The following ACTR3C variants were observed in gnomAD, a reference collection of about 807,000 sequenced individuals.
The protein encoded by ACTR3C is actin related protein 3C, also known as actin-related protein 3C.
A neutral mutation model predicts 26.3 loss-of-function variants in ACTR3C; 18 were observed. That is an observed-to-expected ratio of 0.68 (90% CI 0.47 to 1.01). The LOEUF is 1.01. Among genes scored for constraint, ACTR3C ranks in the 50% least tolerant of loss-of-function variants. The probability of loss-of-function intolerance (pLI) is 0.00; values close to 1 mark genes in which losing one functional copy is unlikely to be tolerated. For synonymous variants in ACTR3C, 55 were observed against 94.5 expected (o/e 0.58, Z 2.42); for missense variants, 184 against 250.7 (o/e 0.73, Z 1.80).
chr7:149,996,081 G>C, the ACTR3C span, among the ~76,000 whole-genome samples: 2 of 152,108 alleles, frequency 1.3e-5, no homozygotes, highest in African/African-American at 4.8e-5. Context: ...GGAGGGAGGA[G>C]GCTGGAAAGG....
chr7:149,978,277 G>T, the ACTR3C span, among the ~76,000 whole-genome samples: 1 of 152,022 alleles, frequency 6.6e-6, no homozygotes, highest in Admixed American at 6.6e-5. Flanking sequence ...TTCATTCAGG[G>T]CAGGGGTTCA....
the ACTR3C span, among the ~76,000 whole-genome samples, chr7:150,036,184 A>C: frequency 2.1e-5 from 3 of 145,026 alleles, 1 homozygote; most frequent in Non-Finnish European, 1.6e-5. Flanking sequence ...TGGGAGTCCC[A>C]AGAGCCAGGG....
chr7:150,122,925 G>A, the ACTR3C span, among the ~76,000 whole-genome samples: 31 of 150,668 alleles, frequency 2.1e-4, no homozygotes, highest in Non-Finnish European at 1.2e-4. Flanking sequence ...GAATGAGTTC[G>A]TGTCCTTTTC....
the ACTR3C span, among the ~76,000 whole-genome samples, chr7:150,125,322 T>C: frequency 6.6e-6 from 1 of 151,914 alleles, no homozygotes; most frequent in Admixed American, 6.6e-5. Context: ...TAATTCCCTG[T>C]AGACCCATAA....
the ACTR3C span, among the ~76,000 whole-genome samples, chr7:150,186,550 C>G: frequency 6.6e-6 from 1 of 152,150 alleles, no homozygotes; most frequent in East Asian, 1.9e-4. Context: ...TCTGGACTAA[C>G]TCCCAATCCA....
At chr7:150,315,086 TTTA>T (rs1034333954) in intron 1 of ACTR3C, among the ~76,000 whole-genome samples, 3 of 147,284 alleles carry the variant, frequency 2.0e-5, no homozygotes, top group East Asian at 1.9e-4. Context: ...ATATTTATTA[TTTA>T]TTATATTTTA....
the ACTR3C span, among the ~76,000 whole-genome samples, chr7:150,123,942 G>A: frequency 6.6e-6 from 1 of 152,178 alleles, no homozygotes; most frequent in African/African-American, 2.4e-5. Context: ...TGAGGTGTGA[G>A]GGAGGGGCCC....
the ACTR3C span, among the ~76,000 whole-genome samples, chr7:150,129,779 G>A: frequency 6.6e-6 from 1 of 152,128 alleles, no homozygotes; most frequent in African/African-American, 2.4e-5. Context: ...GATGTATAGA[G>A]TTAATGCAAT....
chr7:150,039,279 TC>T, the ACTR3C span, among the ~76,000 whole-genome samples: 19,874 of 134,714 alleles, frequency 0.15, 30 homozygotes, highest in Middle Eastern at 0.19. Flanking sequence ...GGGGGGTGCC[TC>T]CCCCCTCCTG....
the ACTR3C span, among the ~76,000 whole-genome samples, chr7:150,111,874 C>A: frequency 6.6e-6 from 1 of 151,340 alleles, no homozygotes; most frequent in African/African-American, 2.4e-5. Context: ...CCTGCGAAGC[C>A]CCCTTCCCAC....
chr7:150,128,558 C>T, the ACTR3C span, among the ~76,000 whole-genome samples: 2,240 of 151,508 alleles, frequency 0.015, 53 homozygotes, highest in African/African-American at 0.052. Flanking sequence ...AAACATCAAC[C>T]CCAGAATGGT....
the ACTR3C span, among the ~76,000 whole-genome samples, chr7:149,994,165 A>T: frequency 6.6e-6 from 1 of 152,220 alleles, no homozygotes; most frequent in Non-Finnish European, 1.5e-5. Context: ...TATCCTAAGG[A>T]TGATACTAAA....
chr7:149,973,819 C>T, the ACTR3C span, among the ~76,000 whole-genome samples: 1 of 147,946 alleles, frequency 6.8e-6, no homozygotes, highest in Non-Finnish European at 1.5e-5. Context: ...AAAAACAGTG[C>T]CCGAGGATCT....
At position 150,264,085 on chromosome 7, in the gene ACTR3C, T is replaced by C. The variant is rs147948018; in HGVS notation, c.565-15031A>G. 3.4e-3 allele frequency among the ~76,000 whole-genome samples: 521 copies of C among 152,058 alleles called. 5 individuals carry two copies. Among genetic ancestry groups the C allele is most frequent in the African/African-American group, 0.01 (435 of 41,488 alleles). On this transcript the variant is annotated intron_variant, in intron 6 of 7. Transcript: ENST00000683684. ...AGAGCTGCACACACCACCCCACGAG[T>C]AGGCCCCTAAAACAGAGCCAAGTCA...
chr7:150,125,952 G>C, the ACTR3C span, among the ~76,000 whole-genome samples: 249 of 152,318 alleles, frequency 1.6e-3, no homozygotes, highest in African/African-American at 5.8e-3. Flanking sequence ...CTCGGTTCTG[G>C]TTTGCTGCAT....
At chr7:150,269,372 C>G (rs1315299568) in intron 6 of ACTR3C, among the ~76,000 whole-genome samples, 1 of 147,446 alleles carries the variant, frequency 6.8e-6, no homozygotes, top group Non-Finnish European at 1.5e-5. Flanking sequence ...GCCTCACACT[C>G]CCCCCGCTGT....
At chr7:150,078,959 A>T in the ACTR3C span, among the ~76,000 whole-genome samples, 126 of 152,288 alleles carry the variant, frequency 8.3e-4, no homozygotes, top group Middle Eastern at 0.014. Context: ...AGCTGATGGA[A>T]CTGGAACACC....
the ACTR3C span, among the ~76,000 whole-genome samples, chr7:150,219,448 G>A: frequency 6.9e-6 from 1 of 145,334 alleles, no homozygotes; most frequent in African/African-American, 2.8e-5. Context: ...GCATTGCTGT[G>A]CGGCTTCCCT....
the ACTR3C span, among the ~76,000 whole-genome samples, chr7:150,081,120 G>A: frequency 3.0e-3 from 449 of 152,124 alleles, 2 homozygotes; most frequent in Non-Finnish European, 4.4e-3. Context: ...GTTACACTGT[G>A]TGTATTAAAT....
Sources: allele counts gnomAD v4.1 joint callset (sites outside exome capture counted in the v4.1 genomes callset), GRCh38; gene constraint gnomAD v4.1.1; transcripts MANE v1.5; gene names NCBI Gene and HGNC (gene_info 2026-07-23, HGNC 2026-07-21).